Variants in XYLT1 observed in about 807,000 individuals in gnomAD.
XYLT1 encodes the protein beta-D-xylosyltransferase 1.
A neutral mutation model predicts 91.3 loss-of-function variants in XYLT1; 36 were observed. The observed-to-expected ratio is 0.39, with a 90% CI of 0.30 to 0.52. The LOEUF is 0.52. Among genes scored for constraint, XYLT1 ranks in the 20% least tolerant of loss-of-function variants. XYLT1 has a pLI of 0.68. For missense variants in XYLT1, 1,242 were observed against 1,284.5 expected (o/e 0.97, Z 0.51); for synonymous variants, 588 against 532.0 (o/e 1.11, Z -1.45).
At chr16:17,453,917 A>G (rs1055541004) in intron 1 of XYLT1, among the ~76,000 whole-genome samples, 2 of 152,270 alleles carry the variant, frequency 1.3e-5, no homozygotes, top group South Asian at 2.1e-4. Flanking sequence ...AAAGCAGTTG[A>G]CATCGGGCTT....
At chr16:17,277,323 G>A (rs1040011383) in intron 2 of XYLT1, among the ~76,000 whole-genome samples, 4 of 151,962 alleles carry the variant, frequency 2.6e-5, no homozygotes, top group East Asian at 1.9e-4. Context: ...GGTAGTGAGC[G>A]TAGTACCCAA....
In XYLT1 at chr16:17,382,801, G is replaced by A. The variant is rs544960690; in HGVS notation, c.364-24751C>T. 1.3e-4 allele frequency among the ~76,000 whole-genome samples: 19 copies of A among 151,966 alleles called. No homozygotes were observed. The South Asian group carries it at 3.3e-3, about 27-fold the overall frequency. On this transcript the variant is annotated intron_variant, in intron 1 of 11. Coordinates refer to ENST00000261381, the MANE Select transcript of XYLT1 (RefSeq NM_022166.4). ...TGGCACTCACTATCCCAGACGTCTCGTGCAAGACACTTTAGTGCATTACTT... is the reference window on the plus strand; with the variant it reads ...TGGCACTCACTATCCCAGACGTCTCATGCAAGACACTTTAGTGCATTACTT...
chr16:17,416,977 G>A (rs550496202), intron 1 of XYLT1, among the ~76,000 whole-genome samples: 1 of 152,264 alleles, frequency 6.6e-6, no homozygotes, highest in South Asian at 2.1e-4. Context: ...CCAGGCAATG[G>A]TTTAGATCCA....
intron 1 of XYLT1, among the ~76,000 whole-genome samples, chr16:17,453,531 C>A (rs543760316): frequency 6.6e-6 from 1 of 152,316 alleles, no homozygotes; most frequent in South Asian, 2.1e-4. Flanking sequence ...GACACAGGAT[C>A]CTGCATTTCT....
chr16:17,215,293 T>C (rs1289685342), intron 3 of XYLT1, among the ~76,000 whole-genome samples: 1 of 152,208 alleles, frequency 6.6e-6, no homozygotes, highest in African/African-American at 2.4e-5. Context: ...GAGGCAGACG[T>C]TGCACCACTG....
intron 1 of XYLT1, among the ~76,000 whole-genome samples, chr16:17,430,691 A>C (rs538110101): frequency 1.3e-5 from 2 of 152,258 alleles, no homozygotes; most frequent in East Asian, 3.9e-4. Flanking sequence ...TAATTTGTGA[A>C]TGTTTACATA....
intron 2 of XYLT1, among the ~76,000 whole-genome samples, chr16:17,266,805 G>A (rs1360528939): frequency 1.3e-5 from 2 of 152,220 alleles, no homozygotes; most frequent in Non-Finnish European, 2.9e-5. Context: ...GCCACTGGGA[G>A]GGACAAACAG....
intron 2 of XYLT1, among the ~76,000 whole-genome samples, chr16:17,262,577 T>C (rs192315275): frequency 6.6e-6 from 1 of 152,320 alleles, no homozygotes; most frequent in African/African-American, 2.4e-5. Context: ...TTCTGTTCCA[T>C]TCCTTCTAGG....
intron 1 of XYLT1, among the ~76,000 whole-genome samples, chr16:17,381,010 G>A (rs993894111): frequency 1.3e-5 from 2 of 152,184 alleles, no homozygotes; most frequent in African/African-American, 4.8e-5. Flanking sequence ...GGTGAGAGTG[G>A]ACAATGAGGG....
At chr16:17,132,014 A>T (rs1443205097) in intron 9 of XYLT1, among the ~76,000 whole-genome samples, 1 of 21,142 alleles carries the variant, frequency 4.7e-5, no homozygotes, top group African/African-American at 1.4e-4. Flanking sequence ...ACTTCATTCC[A>T]AAATGAATAC....
intron 2 of XYLT1, among the ~76,000 whole-genome samples, chr16:17,297,505 C>T (rs755679117): frequency 5.9e-5 from 9 of 151,508 alleles, no homozygotes; most frequent in Non-Finnish European, 1.0e-4. Flanking sequence ...TTGAGGCCAG[C>T]GGTTCAAGAC....
chr16:17,319,557 C>A (rs192155728), intron 2 of XYLT1, among the ~76,000 whole-genome samples: 186 of 152,116 alleles, frequency 1.2e-3, no homozygotes, highest in African/African-American at 4.3e-3. Context: ...ATTCTCATGA[C>A]TCAGCCTCCC....
intron 3 of XYLT1, among the ~76,000 whole-genome samples, chr16:17,236,679 A>G (rs988477519): frequency 6.6e-6 from 1 of 152,176 alleles, no homozygotes; most frequent in Admixed American, 6.5e-5. Flanking sequence ...GGAAGAATCT[A>G]TTCCATGCCT....
At chr16:17,319,127 C>T (rs2034679172) in intron 2 of XYLT1, among the ~76,000 whole-genome samples, 1 of 152,034 alleles carries the variant, frequency 6.6e-6, no homozygotes, top group Admixed American at 6.6e-5. Context: ...AATGAGCTAC[C>T]TCCACTTTTT....
intron 2 of XYLT1, among the ~76,000 whole-genome samples, chr16:17,281,942 C>T (rs895345294): frequency 1.3e-5 from 2 of 152,166 alleles, no homozygotes; most frequent in African/African-American, 4.8e-5. Context: ...TGTCACTCCC[C>T]TCCCTTCTCT....
chr16:17,412,084 G>T (rs974778481), intron 1 of XYLT1, among the ~76,000 whole-genome samples: 1 of 152,072 alleles, frequency 6.6e-6, no homozygotes, highest in African/African-American at 2.4e-5. Context: ...ATTAGCGAGT[G>T]TCCAGAACCT....
At chr16:17,414,701 C>T in intron 1 of XYLT1, among the ~76,000 whole-genome samples, 1 of 152,098 alleles carries the variant, frequency 6.6e-6, no homozygotes, top group Middle Eastern at 3.2e-3. Flanking sequence ...TGGCGAGTGT[C>T]CTGGTTAAGG....
chr16:17,134,381 A>G (rs1190298064), intron 9 of XYLT1, 92 bp downstream of exon 9: 3 of 1,508,722 alleles, frequency 2.0e-6, no homozygotes, highest in Non-Finnish European at 2.7e-6. Context: ...TGCATTGCAG[A>G]TCCCTAAAGA....
intron 2 of XYLT1, among the ~76,000 whole-genome samples, chr16:17,317,928 AT>A (rs1241982193): frequency 6.6e-6 from 1 of 152,180 alleles, no homozygotes; most frequent in African/African-American, 2.4e-5. Context: ...ATCCTTGAAT[AT>A]CTGTCTAGTT....
Sources: allele counts gnomAD v4.1 joint callset (sites outside exome capture counted in the v4.1 genomes callset), GRCh38; gene constraint gnomAD v4.1.1; transcripts MANE v1.5; gene names NCBI Gene and HGNC (gene_info 2026-07-23, HGNC 2026-07-21).